Variants in PSMG4 observed in about 807,000 individuals in gnomAD.
PSMG4 encodes the protein proteasome assembly chaperone 4, also known as proteasome (prosome, macropain) assembly chaperone 4.
A neutral mutation model predicts 11.0 loss-of-function variants in PSMG4; 10 were observed. The observed-to-expected ratio is 0.91, with a 90% CI of 0.56 to 1.54. PSMG4 has a LOEUF of 1.54. Ranked by LOEUF, PSMG4 falls within the 40% of genes most tolerant of loss-of-function variation. The probability of loss-of-function intolerance (pLI) is 0.00; values close to 1 mark genes in which losing one functional copy is unlikely to be tolerated. For missense variants in PSMG4, 198 were observed against 160.9 expected (o/e 1.23, Z -1.25); for synonymous variants, 95 against 71.3 (o/e 1.33, Z -1.68).
chr6:3,267,597 A>G lies in PSMG4; in HGVS notation c.257A>G (p.Lys86Arg), dbSNP rs1758247121. Residue 86 changes from lysine to arginine, a missense_variant, in exon 3 of 3, where the codon AAG becomes AGG. Lys to Arg is a conservative substitution (Grantham distance 26). Transcript: ENST00000438998. The part of the protein sequence containing the change: ...STGLAQRLAR[K>R]TNKQVFVSYN... Reference sequence around the variant, plus strand: ...ATGTGTTTTCTCTTTTTAGCCAGGAAGACCAACAAACAGGTGTTTGTCAGC... The same window carrying G: ...ATGTGTTTTCTCTTTTTAGCCAGGAGGACCAACAAACAGGTGTTTGTCAGC... The G allele has an allele frequency of 6.4e-7, 1 of 1,551,620 alleles. No homozygotes were observed. Among genetic ancestry groups the G allele is most frequent in the Non-Finnish European group, 8.7e-7 (1 of 1,146,876 alleles).
At chr6:3,259,226 G>A (rs1318574165) in intron 1 of PSMG4, 30 bp downstream of exon 1, 8 of 1,264,598 alleles carry the variant, frequency 6.3e-6, no homozygotes, top group Non-Finnish European at 7.9e-6. Context: ...GGGTGCGGGC[G>A]GCGGGGCGGG....
upstream of PSMG4, among the ~76,000 whole-genome samples, chr6:3,254,501 GTA>G (rs142329511): frequency 1.5e-4 from 23 of 151,998 alleles, no homozygotes; most frequent in Admixed American, 5.9e-4. Context: ...GGTTTTTTGT[GTA>G]TGTGTTGGGT....
intron 1 of PSMG4, among the ~76,000 whole-genome samples, chr6:3,263,478 C>T (rs1296508473): frequency 6.6e-6 from 1 of 152,248 alleles, no homozygotes; most frequent in Non-Finnish European, 1.5e-5. Flanking sequence ...CTTCATCTTT[C>T]CCAACTCCGC....
intron 2 of PSMG4, chr6:3,264,223 A>G: frequency 6.4e-7 from 1 of 1,551,578 alleles, no homozygotes; most frequent in African/African-American, 1.4e-5. Context: ...CGGAGGGAAG[A>G]CTGGCCTGGC....
At chr6:3,254,685 CAACAG>C (rs1757682095), upstream of PSMG4, among the ~76,000 whole-genome samples, 2 of 152,082 alleles carry the variant, frequency 1.3e-5, 1 homozygote, top group African/African-American at 4.8e-5. Context: ...CCACTAAACT[CAACAG>C]AAAGAAGCTG....
upstream of PSMG4, chr6:3,254,936 TG>T: frequency 8.4e-7 from 1 of 1,190,464 alleles, no homozygotes; most frequent in Non-Finnish European, 1.2e-6. Flanking sequence ...ATTCTCTCAC[TG>T]GGTGTCAGCT....
At chr6:3,267,257 C>G (rs1758226557) in intron 2 of PSMG4, 1 of 219,170 alleles carries the variant, frequency 4.6e-6, no homozygotes, top group Non-Finnish European at 9.2e-6. Context: ...CCTGCAGGAT[C>G]TGTTCCAGCA....
upstream of PSMG4, chr6:3,254,996 G>C (rs1330604344): frequency 3.9e-6 from 6 of 1,525,080 alleles, no homozygotes; most frequent in African/African-American, 2.8e-5. Flanking sequence ...CATGGACCTA[G>C]CGCACTCCCA....
intron 2 of PSMG4, chr6:3,264,360 C>T: frequency 6.5e-7 from 1 of 1,538,934 alleles, no homozygotes; most frequent in Admixed American, 2.0e-5. Flanking sequence ...CCCCCAGCCC[C>T]AGTGCCTGTG....
upstream of PSMG4, among the ~76,000 whole-genome samples, chr6:3,254,796 T>G (rs190824458): frequency 2.0e-5 from 3 of 151,956 alleles, no homozygotes; most frequent in Non-Finnish European, 2.9e-5. Context: ...ATGCTTGGGG[T>G]CAGAGCAACA....
upstream of PSMG4, chr6:3,255,008 G>GT (rs772313797): frequency 1.2e-4 from 180 of 1,541,888 alleles, no homozygotes; most frequent in African/African-American, 2.1e-3. Flanking sequence ...GCACTCCCAT[G>GT]TGGGAGCGCT....
intron 1 of PSMG4, among the ~76,000 whole-genome samples, chr6:3,260,696 C>T (rs113882412): frequency 1.3e-5 from 2 of 152,214 alleles, no homozygotes; most frequent in African/African-American, 4.8e-5. Flanking sequence ...AGGTCACATT[C>T]ATAGGTACCC....
chr6:3,267,796 C>A lies in PSMG4; in HGVS notation c.*84C>A. The A allele has an allele frequency of 7.2e-7, 1 of 1,388,470 alleles. No homozygotes were observed. Among genetic ancestry groups the A allele is most frequent in the Non-Finnish European group, 9.8e-7 (1 of 1,017,696 alleles). 86.0% of individuals were successfully genotyped at this position (1,388,470 alleles called of 1,614,324 possible). ...ATTGAATTTCAGTTTGTCATCAGGC[C>A]GCGCTCCCGTTTTGTTTTTAAGGGG... On this transcript the variant is annotated 3_prime_UTR_variant, in exon 3 of 3. Coordinates refer to ENST00000438998, the MANE Select transcript of PSMG4 (RefSeq NM_001128591.2).
chr6:3,262,517 T>C (rs368287894), intron 1 of PSMG4, among the ~76,000 whole-genome samples: 262 of 152,272 alleles, frequency 1.7e-3, no homozygotes, highest in African/African-American at 5.4e-3. Flanking sequence ...TCTCCTGCCT[T>C]TTATTGTCTT....
intron 1 of PSMG4, among the ~76,000 whole-genome samples, chr6:3,263,445 A>T (rs1758066880): frequency 1.3e-5 from 2 of 152,202 alleles, no homozygotes; most frequent in East Asian, 3.9e-4. Flanking sequence ...TGGTCCTAGA[A>T]CTTAGTAGCA....
Position 3,260,275 on chromosome 6 carries a change from T to TTTTATATA in PSMG4, c.174+1080_174+1081insTTATATAT, listed in dbSNP as rs1261021278. On this transcript the variant is annotated intron_variant, in intron 1 of 2. Transcript: ENST00000438998. ...TACTCCAGTATAACCTTGTCTTAAA[T>TTTTATATA]TGTATATATATATATATTTTTTTTT... Among the ~76,000 whole-genome samples, 95 of 69,074 alleles carry TTTTATATA rather than the reference T, an allele frequency of 1.4e-3. 3 individuals are homozygous for TTTTATATA. Among genetic ancestry groups the TTTTATATA allele is most frequent in the African/African-American group, 5.6e-3 (91 of 16,160 alleles). The allele number at this position is 69,074 out of a possible 152,430, so 45.3% of individuals were successfully genotyped here. A position where few individuals can be genotyped will look rare whatever the true frequency, so the allele number is the denominator to read the frequency against.
chr6:3,254,971 T>C (rs775158111), upstream of PSMG4: 8 of 1,406,672 alleles, frequency 5.7e-6, no homozygotes, highest in East Asian at 2.5e-5. Context: ...GAGCATGTGA[T>C]GTGGCTGTGG....
At chr6:3,260,291 A>ATTTTTTCTT (rs1379978378) in intron 1 of PSMG4, among the ~76,000 whole-genome samples, 1 of 70,842 alleles carries the variant, frequency 1.4e-5, no homozygotes, top group Non-Finnish European at 2.5e-5. Context: ...ATATATATAT[A>ATTTTTTCTT]TTTTTTTTTT....
upstream of PSMG4, chr6:3,254,915 G>A: frequency 2.1e-6 from 2 of 936,046 alleles, no homozygotes; most frequent in South Asian, 3.5e-5. Context: ...CTCTGAGCTG[G>A]TGCTTCAGCC....
Sources: allele counts gnomAD v4.1 joint callset (sites outside exome capture counted in the v4.1 genomes callset), GRCh38; gene constraint gnomAD v4.1.1; transcripts MANE v1.5; gene names NCBI Gene and HGNC (gene_info 2026-07-23, HGNC 2026-07-21).